PCYT1B: variants seen among roughly 807,000 people sequenced by gnomAD.
PCYT1B encodes the protein phosphate cytidylyltransferase 1B, choline, also known as choline-phosphate cytidylyltransferase B.
In PCYT1B, 10 loss-of-function variants were observed where a neutral mutation model predicts 26.4. The ratio of observed to expected loss-of-function variants is 0.38; its 90% CI spans 0.23 to 0.64. PCYT1B has a LOEUF of 0.64. Among genes scored for constraint, PCYT1B ranks in the 30% least tolerant of loss-of-function variants. The pLI is 0.56. For missense variants in PCYT1B, 161 were observed against 292.7 expected (o/e 0.55, Z 3.28); for synonymous variants, 131 against 108.4 (o/e 1.21, Z -1.29).
At chrX:24,579,487 G>A (rs765799754) in intron 5 of PCYT1B, 29 bp from the exon 6 acceptor site, 1 of 1,187,718 alleles carries the variant, frequency 8.4e-7, no homozygotes, top group East Asian at 3.0e-5. Context: ...GCGGATAGAG[G>A]AAAAATTAAG....
At chrX:24,569,507 C>G (rs935879112) in intron 7 of PCYT1B, among the ~76,000 whole-genome samples, 2 of 112,125 alleles carry the variant, frequency 1.8e-5, no homozygotes, top group Non-Finnish European at 3.8e-5. Flanking sequence ...ACCCAAACAT[C>G]CATCAATGGA....
Position 24,647,081 on chromosome X carries a change from C to T in PCYT1B, c.25G>A (p.Glu9Lys). The change falls in exon 1 of 8, where the codon GAG becomes AAG. Residue 9 changes from glutamate to lysine, a missense_variant. This residue lies in a region of PCYT1B where 51 missense variants were observed against 51.0 expected (regional missense o/e 1.00). Transcript: ENST00000379144. MPVVTTDA[E>K]SETGIPKSLS... ...GATTTTGGGATACCTGTTTCTGACT[C>T]AGCATCAGTGGTAACTACTGGCATG... The T allele has an allele frequency of 1.7e-6, 2 of 1,208,932 alleles. No individual in the cohort carries two copies. The highest frequency in any genetic ancestry group is 3.5e-5 in the South Asian group (2 of 56,899).
chrX:24,579,901 A>G (rs1196494171), intron 5 of PCYT1B, among the ~76,000 whole-genome samples: 2 of 112,394 alleles, frequency 1.8e-5, no homozygotes, highest in Non-Finnish European at 1.9e-5. Context: ...TGGGCCAGCC[A>G]TGGTGGCTCA....
chrX:24,669,501 GAAAAAA>G (rs60562762), intron 1 of PCYT1B, among the ~76,000 whole-genome samples: 6 of 31,555 alleles, frequency 1.9e-4, no homozygotes, highest in East Asian at 2.1e-3. Flanking sequence ...CTTCGTCTCA[GAAAAAA>G]AAAAAAAAAA....
intron 1 of PCYT1B, among the ~76,000 whole-genome samples, chrX:24,646,183 C>T (rs1174857734): frequency 1.8e-5 from 2 of 111,490 alleles, no homozygotes; most frequent in African/African-American, 6.5e-5. Context: ...CTTGAGGACA[C>T]ATGCTGAGGT....
At chrX:24,649,776 A>G (rs1437884961), upstream of PCYT1B, among the ~76,000 whole-genome samples, 1 of 111,935 alleles carries the variant, frequency 8.9e-6, no homozygotes, top group Non-Finnish European at 1.9e-5. Context: ...GCCTTTGCCT[A>G]GGATATCTTC....
At chrX:24,578,192 C>T (rs1027401531) in intron 6 of PCYT1B, among the ~76,000 whole-genome samples, 2 of 111,182 alleles carry the variant, frequency 1.8e-5, no homozygotes, top group African/African-American at 3.3e-5. Context: ...TTTGCAGGGA[C>T]GTGGATGAAG....
chrX:24,620,226 G>T (rs905344970), intron 1 of PCYT1B, among the ~76,000 whole-genome samples: 1 of 112,071 alleles, frequency 8.9e-6, no homozygotes, highest in Non-Finnish European at 1.9e-5. Context: ...CAAATAAGTG[G>T]CAGGCACTAT....
chrX:24,656,551 C>CTTTTT (rs1179469896), intron 1 of PCYT1B, among the ~76,000 whole-genome samples: 37 of 56,629 alleles, frequency 6.5e-4, no homozygotes, highest in Middle Eastern at 0.016. Flanking sequence ...TCTTTTTTTC[C>CTTTTT]TTTTTTTTTT....
intron 1 of PCYT1B, among the ~76,000 whole-genome samples, chrX:24,626,160 G>A (rs2148259512): frequency 9.0e-6 from 1 of 111,471 alleles, no homozygotes; most frequent in South Asian, 3.8e-4. Context: ...TTAGAACTGT[G>A]CTAATATGGT....
Position 24,606,950 on chromosome X carries a change from A to T in PCYT1B, c.334+795T>A, listed in dbSNP as rs968998276. Reference sequence around the variant, plus strand: ...AAAAACAGTTATGTAGTCTCTTACCAGTACTTTTTTCCCCCAGTAGAGGTG... The same window carrying T: ...AAAAACAGTTATGTAGTCTCTTACCTGTACTTTTTTCCCCCAGTAGAGGTG... On this transcript the variant is annotated intron_variant, in intron 3 of 7. Coordinates refer to ENST00000379144, the MANE Select transcript of PCYT1B (RefSeq NM_004845.5). Among the ~76,000 whole-genome samples the T allele has an allele frequency of 3.6e-5, 4 of 112,296 alleles. 1 individual carries two copies. Among genetic ancestry groups the T allele is most frequent in the Non-Finnish European group, 7.5e-5 (4 of 53,276 alleles).
chrX:24,576,236 T>C (rs913473413), intron 6 of PCYT1B, among the ~76,000 whole-genome samples: 2 of 112,431 alleles, frequency 1.8e-5, no homozygotes, highest in Admixed American at 9.4e-5. Flanking sequence ...GAAATCATGA[T>C]GTTTCTCCTA....
intron 5 of PCYT1B, among the ~76,000 whole-genome samples, chrX:24,583,549 T>G (rs1002238689): frequency 2.0e-4 from 22 of 112,445 alleles, no homozygotes; most frequent in Admixed American, 1.8e-3. Context: ...ACAATAGGGA[T>G]GCTGGATTGC....
chrX:24,609,986 G>A (rs1039498423), intron 2 of PCYT1B, among the ~76,000 whole-genome samples: 12 of 110,523 alleles, frequency 1.1e-4, no homozygotes. Context: ...CTAGCTACTC[G>A]GGAGGCTGAG....
At chrX:24,622,395 T>C (rs184611793) in intron 1 of PCYT1B, among the ~76,000 whole-genome samples, 7 of 112,027 alleles carry the variant, frequency 6.2e-5, no homozygotes, top group Non-Finnish European at 9.4e-5. Context: ...TTATAAAAAA[T>C]TCTATGCTCC....
chrX:24,606,066 A>G (rs1348798722), intron 3 of PCYT1B, among the ~76,000 whole-genome samples: 1 of 108,928 alleles, frequency 9.2e-6, no homozygotes, highest in African/African-American at 3.3e-5. Flanking sequence ...AAAAAAAAAA[A>G]AAAAAAAGAA....
At position 24,565,458 on chromosome X, in the gene PCYT1B, T is replaced by C. The variant is rs867289802; in HGVS notation, c.898-2953A>G. On this transcript the variant is annotated intron_variant, in intron 7 of 7. Transcript: ENST00000379144. The stretch of plus-strand genomic sequence containing the variant: ...GTCTTTGATAATGCCCAGGAAGAGG[T>C]GGGTGGAGATGGGGAGTGGGTCCAT... 2.3e-4 allele frequency among the ~76,000 whole-genome samples: 25 copies of C among 108,786 alleles called. No individual in the cohort carries two copies. The Admixed American group carries it at 2.5e-3, about 11-fold the overall frequency. The allele number at this position is 108,786 out of a possible 115,157, so 94.5% of individuals were successfully genotyped here. A position where few individuals can be genotyped will look rare whatever the true frequency, so the allele number is the denominator to read the frequency against.
chrX:24,624,263 C>G (rs1011226345), intron 1 of PCYT1B, among the ~76,000 whole-genome samples: 11 of 111,816 alleles, frequency 9.8e-5, no homozygotes, highest in South Asian at 3.7e-4. Flanking sequence ...GCCACCGCGC[C>G]CGGCCAAGCT....
intron 2 of PCYT1B, among the ~76,000 whole-genome samples, 171 bp downstream of exon 2, chrX:24,618,814 G>T (rs1422641343): frequency 9.1e-6 from 1 of 110,262 alleles, no homozygotes; most frequent in Non-Finnish European, 1.9e-5. Context: ...TAGAGATGGG[G>T]TTTCACCATG....
Sources: gnomAD v4.1 joint callset for allele counts (sites outside exome capture counted in the v4.1 genomes callset) on GRCh38, gnomAD v4.1.1 for gene constraint, gnomAD v4.1.1 regional missense constraint, MANE v1.5 for transcripts, NCBI Gene and HGNC (gene_info 2026-07-23, HGNC 2026-07-21) for gene names.